Variants in HPSE2 observed in about 807,000 individuals in gnomAD.
HPSE2 encodes the protein inactive heparanase-2.
HPSE2 carries 38 observed loss-of-function variants against 60.5 expected under a neutral mutation model. The ratio of observed to expected loss-of-function variants is 0.63; its 90% CI spans 0.48 to 0.82. HPSE2 has a LOEUF of 0.82. Among genes scored for constraint, HPSE2 ranks in the 40% least tolerant of loss-of-function variants. The pLI is 0.00. For synonymous variants in HPSE2, 295 were observed against 293.2 expected, an observed-to-expected ratio of 1.01 and a Z score of -0.06; for missense variants, 713 against 740.4, an observed-to-expected ratio of 0.96 and a Z score of 0.43.
At chr10:99,289,986 A>G in the HPSE2 span, among the ~76,000 whole-genome samples, 1 of 152,184 alleles carries the variant, frequency 6.6e-6, no homozygotes, top group Non-Finnish European at 1.5e-5. Context: ...GCTAAAGAAG[A>G]AACTAAAAAT....
upstream of HPSE2, among the ~76,000 whole-genome samples, chr10:99,237,539 C>G (rs761280254): frequency 1.2e-4 from 18 of 152,162 alleles, no homozygotes; most frequent in Non-Finnish European, 1.9e-4. Flanking sequence ...CTGTGAAGCG[C>G]CATGACGACC....
rs7075011 is a variant in HPSE2 at position 99,032,932 on chromosome 10, T to G, written c.610+111306A>C. On this transcript the variant is annotated intron_variant, in intron 3 of 11. Coordinates refer to ENST00000370552, the MANE Select transcript of HPSE2 (RefSeq NM_021828.5). ...TCCTTGTGATTACACTGGATCTACC[T>G]AGACAATCCAAAATAATCTCTGTAT... 9.1e-3 allele frequency among the ~76,000 whole-genome samples: 1,390 copies of G among 152,312 alleles called. 23 individuals carry two copies. The highest frequency in any genetic ancestry group is 0.032 in the African/African-American group (1,332 of 41,570).
chr10:98,695,659 C>G (rs892590940), intron 5 of HPSE2, among the ~76,000 whole-genome samples: 1 of 152,114 alleles, frequency 6.6e-6, no homozygotes, highest in Non-Finnish European at 1.5e-5. Flanking sequence ...GTCATGCCAC[C>G]CCCCCTAGCA....
At chr10:98,603,439 G>GT (rs58750714) in intron 9 of HPSE2, among the ~76,000 whole-genome samples, 26,551 of 144,078 alleles carry the variant, frequency 0.18, 3,547 homozygotes, top group African/African-American at 0.37. Context: ...CTGTTTTTTT[G>GT]TTTTTTTTTT....
chr10:99,213,922 C>T (rs1367786065), intron 2 of HPSE2, among the ~76,000 whole-genome samples: 3 of 151,926 alleles, frequency 2.0e-5, no homozygotes, highest in Admixed American at 6.6e-5. Flanking sequence ...AAAAAGAATC[C>T]ACAGAATGAG....
intron 3 of HPSE2, among the ~76,000 whole-genome samples, chr10:99,101,208 G>A (rs181795937): frequency 1.3e-5 from 2 of 152,232 alleles, no homozygotes; most frequent in Non-Finnish European, 2.9e-5. Flanking sequence ...TGTATAAAGA[G>A]TCAAGACCCA....
chr10:99,242,115 T>C, the HPSE2 span, among the ~76,000 whole-genome samples: 1 of 152,184 alleles, frequency 6.6e-6, no homozygotes. Context: ...AGAACCCTGG[T>C]TACAAAGTAT....
At chr10:98,693,223 T>C (rs908506229) in intron 6 of HPSE2, among the ~76,000 whole-genome samples, 12 of 152,376 alleles carry the variant, frequency 7.9e-5, no homozygotes, top group African/African-American at 2.9e-4. Flanking sequence ...AGGATTCCAG[T>C]ATACAATTAG....
In HPSE2 at chr10:98,641,888, G is replaced by T. The variant is rs757522385; in HGVS notation, c.1057C>A (p.Leu353Met). ...VKVMDFLKTR[L>M]LDTLSDQIRK... ...ATCTGGTCAGAGAGTGTGTCTAACA[G>T]GCGAGTTTTCAGGAAGTCCATCACC... Residue 353 changes from leucine (L) to methionine (M), a missense_variant, in exon 7 of 12, where the codon CTG becomes ATG. By Grantham distance (15) the Leu-to-Met change is conservative. Coordinates refer to ENST00000370552, the MANE Select transcript of HPSE2 (RefSeq NM_021828.5). 3.1e-6 allele frequency: 5 copies of T among 1,613,938 alleles called. No homozygotes were observed. In the South Asian group the frequency reaches 5.5e-5, roughly 18 times the overall value.
At chr10:99,312,556 A>T in the HPSE2 span, among the ~76,000 whole-genome samples, 1 of 152,232 alleles carries the variant, frequency 6.6e-6, no homozygotes, top group African/African-American at 2.4e-5. Context: ...ATCGTTGAGA[A>T]CTACTGCTCA....
intron 4 of HPSE2, among the ~76,000 whole-genome samples, chr10:98,742,409 C>T (rs1949520106): frequency 6.6e-6 from 1 of 151,966 alleles, no homozygotes; most frequent in Admixed American, 6.6e-5. Flanking sequence ...CACACTCACA[C>T]ATATAGTGCT....
intron 2 of HPSE2, among the ~76,000 whole-genome samples, chr10:99,225,088 T>C (rs1849429777): frequency 2.0e-5 from 3 of 152,204 alleles, no homozygotes; most frequent in African/African-American, 7.2e-5. Flanking sequence ...CAGAAATGCA[T>C]CCATTTTGAT....
At chr10:98,925,157 C>T (rs547671689) in intron 3 of HPSE2, among the ~76,000 whole-genome samples, 3 of 152,232 alleles carry the variant, frequency 2.0e-5, no homozygotes, top group Admixed American at 2.0e-4. Flanking sequence ...ATGCCTCTGT[C>T]GTTAAATCCA....
chr10:98,573,578 A>T (rs1944561609), intron 9 of HPSE2, among the ~76,000 whole-genome samples: 1 of 151,624 alleles, frequency 6.6e-6, no homozygotes. Context: ...TTCCCGCTTG[A>T]CTCCTGCTCT....
intron 9 of HPSE2, among the ~76,000 whole-genome samples, chr10:98,544,486 G>A (rs556055571): frequency 7.7e-4 from 117 of 151,978 alleles, no homozygotes; most frequent in African/African-American, 2.5e-3. Flanking sequence ...CGAGGCAGGC[G>A]GATCACGAGG....
intron 2 of HPSE2, among the ~76,000 whole-genome samples, chr10:99,224,979 T>C (rs1409730288): frequency 6.6e-6 from 1 of 152,036 alleles, no homozygotes; most frequent in Non-Finnish European, 1.5e-5. Flanking sequence ...TGACTAGACA[T>C]GGTGACTAAA....
At chr10:98,515,066 C>G (rs968171575) in intron 9 of HPSE2, among the ~76,000 whole-genome samples, 3 of 152,134 alleles carry the variant, frequency 2.0e-5, no homozygotes, top group African/African-American at 7.2e-5. Flanking sequence ...TCCCTTGAGG[C>G]AAGCAATCAT....
At chr10:98,837,431 G>A (rs1951814416) in intron 3 of HPSE2, among the ~76,000 whole-genome samples, 1 of 152,102 alleles carries the variant, frequency 6.6e-6, no homozygotes, top group South Asian at 2.1e-4. Context: ...TATGGAAGGT[G>A]CTAAAGTTGC....
chr10:98,863,601 G>A (rs1191976482), intron 3 of HPSE2, among the ~76,000 whole-genome samples: 1 of 152,134 alleles, frequency 6.6e-6, no homozygotes. Context: ...TTCAAGTTTA[G>A]AAAGGGATCG....
Sources: gnomAD v4.1 joint callset for allele counts (sites outside exome capture counted in the v4.1 genomes callset) on GRCh38, gnomAD v4.1.1 for gene constraint, MANE v1.5 for transcripts, NCBI Gene and HGNC (gene_info 2026-07-23, HGNC 2026-07-21) for gene names.